HPS3: variants seen among roughly 807,000 people sequenced by gnomAD.
The protein encoded by HPS3 is HPS3 biogenesis of lysosomal organelles complex 2 subunit 1.
HPS3 carries 79 observed loss-of-function variants against 110.9 expected under a neutral mutation model. The observed-to-expected ratio is 0.71, with a 90% CI of 0.59 to 0.86. HPS3 has a LOEUF of 0.86. Among genes scored for constraint, HPS3 ranks in the 40% least tolerant of loss-of-function variants. The probability of loss-of-function intolerance (pLI) is 0.00; values close to 1 mark genes in which losing one functional copy is unlikely to be tolerated. For missense variants in HPS3, 1,197 were observed against 1,206.2 expected (o/e 0.99, Z 0.11); for synonymous variants, 428 against 451.0 (o/e 0.95, Z 0.65).
chr3:149,165,774 C>T (rs531554789), intron 14 of HPS3, among the ~76,000 whole-genome samples: 1 of 152,300 alleles, frequency 6.6e-6, no homozygotes, highest in South Asian at 2.1e-4. Flanking sequence ...CCACTCCCTT[C>T]CCCATTATCT....
chr3:149,157,380 A>G lies in HPS3; in HGVS notation c.1540A>G (p.Lys514Glu), dbSNP rs1315490018. Residue 514 changes from lysine (K) to glutamate (E), a missense_variant, in exon 9 of 17, where the codon AAA (lysine) becomes GAA (glutamate). By Grantham distance (56) the Lys-to-Glu change is moderately conservative. Transcript: ENST00000296051. ...VDYSNTYKTVKTQSCIHLLSE... is the reference protein window; with the variant it reads ...VDYSNTYKTVETQSCIHLLSE... ...CTATAGCAATACCTATAAGACTGTC[A>G]AAACCCAGAGCTGCATTCACCTTCT... 3 of 1,613,756 alleles carry G rather than the reference A, an allele frequency of 1.9e-6. No homozygotes were observed. The highest frequency in any genetic ancestry group is 1.3e-5 in the African/African-American group (1 of 74,936).
intron 6 of HPS3, among the ~76,000 whole-genome samples, chr3:149,152,561 T>G (rs1423940095): frequency 1.3e-5 from 2 of 152,170 alleles, no homozygotes; most frequent in Non-Finnish European, 2.9e-5. Context: ...TAGGTGCCAG[T>G]TAAACAAGCA....
At chr3:149,130,004 C>A in intron 1 of HPS3, 64 bp downstream of exon 1, 1 of 1,428,444 alleles carries the variant, frequency 7.0e-7, no homozygotes. Flanking sequence ...GCTAGCGGAC[C>A]GAACGTCTGG....
intron 6 of HPS3, 43 bp from the exon 7 acceptor site, chr3:149,153,451 G>A (rs1194179962): frequency 1.3e-6 from 2 of 1,544,576 alleles, no homozygotes; most frequent in African/African-American, 1.4e-5. Context: ...TGAAGTGCAT[G>A]TACCTTTATT....
chr3:149,150,733 T>C (rs1414867938), intron 6 of HPS3, 53 bp downstream of exon 6: 5 of 1,353,080 alleles, frequency 3.7e-6, no homozygotes, highest in Non-Finnish European at 5.3e-6. Flanking sequence ...AGGGAGCACA[T>C]GAATACTCGT....
intron 6 of HPS3, among the ~76,000 whole-genome samples, chr3:149,152,539 G>T (rs1297596406): frequency 6.6e-6 from 1 of 152,176 alleles, no homozygotes; most frequent in Non-Finnish European, 1.5e-5. Flanking sequence ...GACTCCACCA[G>T]TTCTGAAGCC....
rs564988213 is a variant in HPS3, at chr3:149,161,597, C to T, written c.2107-551C>T. ...CAATCTCAGCTTACTGCAACCTCCACCTCCCAGGTTCAAGCGATTCTCCTG... is the reference window on the plus strand; with the variant it reads ...CAATCTCAGCTTACTGCAACCTCCATCTCCCAGGTTCAAGCGATTCTCCTG... On this transcript the variant is annotated intron_variant, in intron 11 of 16. Transcript: ENST00000296051. Among the ~76,000 whole-genome samples, 519 of 150,970 alleles carry T rather than the reference C, an allele frequency of 3.4e-3. 1 individual carries two copies. The highest frequency in any genetic ancestry group is 0.012 in the African/African-American group (494 of 40,998).
chr3:149,169,569 A>C (rs954888672), intron 16 of HPS3, among the ~76,000 whole-genome samples: 1 of 152,160 alleles, frequency 6.6e-6, no homozygotes, highest in African/African-American at 2.4e-5. Flanking sequence ...GCATTTTAGG[A>C]TATTAAACAG....
At chr3:149,157,964 A>C (rs56065560) in intron 9 of HPS3, among the ~76,000 whole-genome samples, 24,245 of 152,144 alleles carry the variant, frequency 0.16, 2,503 homozygotes, top group East Asian at 0.27. Flanking sequence ...TTTTCCCACC[A>C]TCTATGAGCC....
intron 1 of HPS3, among the ~76,000 whole-genome samples, chr3:149,132,006 G>T (rs1473906326): frequency 6.6e-6 from 1 of 152,232 alleles, no homozygotes; most frequent in African/African-American, 2.4e-5. Context: ...TGCTGAGAGA[G>T]GTGAGGAAGC....
intron 1 of HPS3, among the ~76,000 whole-genome samples, chr3:149,133,742 A>G (rs190969608): frequency 6.6e-6 from 1 of 152,320 alleles, no homozygotes; most frequent in Admixed American, 6.5e-5. Flanking sequence ...GATGATCGTT[A>G]GCATTTTTTT....
intron 7 of HPS3, 110 bp from the exon 8 acceptor site, chr3:149,154,997 T>C: frequency 1.4e-6 from 1 of 716,140 alleles, no homozygotes; most frequent in Non-Finnish European, 2.5e-6. Flanking sequence ...CTGAGGAAAA[T>C]AGTAAATGAA....
Position 149,140,340 on chromosome 3 carries a change from A to G in HPS3, c.554A>G (p.Asn185Ser), listed in dbSNP as rs1403790357. 3 of 1,612,930 alleles carry G rather than the reference A, an allele frequency of 1.9e-6. No homozygotes were observed. Among genetic ancestry groups the G allele is most frequent in the Admixed American group, 1.7e-5 (1 of 59,944 alleles). Residue 185 changes from asparagine (N) to serine (S), a missense_variant, in exon 2 of 17, where the codon AAT becomes AGT. Physicochemically the swap from Asn to Ser is conservative, Grantham distance 46 (BLOSUM62 1). Coordinates refer to ENST00000296051, the MANE Select transcript of HPS3 (RefSeq NM_032383.5). The stretch of plus-strand genomic sequence containing the variant: ...CGTTCTTTAATTATACACATAGATA[A>G]TATCACTCCTGTTGAGGTTTCTTTT... ...FERSLIIHID[N>S]ITPVEVSFCV...
intron 16 of HPS3, among the ~76,000 whole-genome samples, chr3:149,171,478 A>G (rs1724983003): frequency 6.6e-6 from 1 of 152,204 alleles, no homozygotes; most frequent in South Asian, 2.1e-4. Context: ...AGAATATTCA[A>G]ATGATTGTAC....
chr3:149,153,488 T>C lies in HPS3; in HGVS notation c.1246-6T>C, dbSNP rs1262654482. The C allele has an allele frequency of 1.2e-6, 2 of 1,612,680 alleles. No individual in the cohort carries two copies. Among genetic ancestry groups the C allele is most frequent in the Middle Eastern group, 1.6e-4 (1 of 6,084 alleles). On this transcript the variant is annotated splice_polypyrimidine_tract_variant and splice_region_variant and intron_variant, in intron 6 of 16. Coordinates refer to ENST00000296051, the MANE Select transcript of HPS3 (RefSeq NM_032383.5). ...CTTGCTTAAATATGTGATTTTCCTT[T>C]ACTAGGCTTGCCCACCTGTCAGTAT...
chr3:149,136,124 C>G (rs1307366635), intron 1 of HPS3, among the ~76,000 whole-genome samples: 3 of 151,862 alleles, frequency 2.0e-5, no homozygotes, highest in Admixed American at 6.6e-5. Flanking sequence ...GAAGCTGAGC[C>G]TGGGCTACAT....
chr3:149,164,914 A>G (rs1724257827), intron 14 of HPS3, among the ~76,000 whole-genome samples: 1 of 152,050 alleles, frequency 6.6e-6, no homozygotes, highest in Non-Finnish European at 1.5e-5. Flanking sequence ...CCTCATTTAC[A>G]CTATGGGAAC....
At chr3:149,171,451 T>C (rs996683250) in intron 16 of HPS3, among the ~76,000 whole-genome samples, 2 of 152,162 alleles carry the variant, frequency 1.3e-5, no homozygotes, top group Non-Finnish European at 2.9e-5. Flanking sequence ...TAGCTTAGTA[T>C]AGACATAGCA....
rs1724495529 is a variant in HPS3 at position 149,167,044 on chromosome 3, G to A, written c.2600G>A (p.Cys867Tyr). 2.5e-6 allele frequency: 4 copies of A among 1,612,116 alleles called. No individual in the cohort carries two copies. The African/African-American group carries it at 4.0e-5, about 16-fold the overall frequency. ...EDLSKLQSLI[C>Y]GPSFDIASII... ...CTTTTCTGTTCATAGTCTCTTATAT[G>A]TGGTCCTTCATTTGACATAGCTTCC... is the stretch of plus-strand genomic sequence containing the variant. Residue 867 changes from cysteine (C) to tyrosine (Y), a missense_variant, in exon 15 of 17, where the codon TGT becomes TAT. Cys to Tyr is a radical substitution (Grantham distance 194). Coordinates refer to ENST00000296051, the MANE Select transcript of HPS3 (RefSeq NM_032383.5).
Sources: allele counts gnomAD v4.1 joint callset (sites outside exome capture counted in the v4.1 genomes callset), GRCh38; gene constraint gnomAD v4.1.1; transcripts MANE v1.5; gene names NCBI Gene and HGNC (gene_info 2026-07-23, HGNC 2026-07-21).